The following MAGOHB variants were observed in gnomAD, a reference collection of about 807,000 sequenced individuals.
MAGOHB encodes protein mago nashi homolog 2.
In MAGOHB, 15 loss-of-function variants were observed where a neutral mutation model predicts 20.9. The ratio of observed to expected loss-of-function variants is 0.72; its 90% CI spans 0.48 to 1.11. MAGOHB has a LOEUF of 1.11. Among genes scored for constraint, MAGOHB ranks in the 50% least tolerant of loss-of-function variants. The probability of loss-of-function intolerance (pLI) is 0.00; values close to 1 mark genes in which losing one functional copy is unlikely to be tolerated. For synonymous variants in MAGOHB, 50 were observed against 57.9 expected (o/e 0.86, Z 0.62); for missense variants, 162 against 177.6 (o/e 0.91, Z 0.50).
At chr12:10,600,434 G>A (rs73256073), downstream of MAGOHB, among the ~76,000 whole-genome samples, 17,894 of 150,858 alleles carry the variant, frequency 0.12, 3,474 homozygotes, top group African/African-American at 0.41. Flanking sequence ...GCATAAAATT[G>A]TATGTCAAAG....
At chr12:10,607,976 C>A in intron 3 of MAGOHB, 40 bp from the exon 4 acceptor site, 1 of 1,246,304 alleles carries the variant, frequency 8.0e-7, no homozygotes, top group South Asian at 1.3e-5. Context: ...ATATAAAAAT[C>A]TATCCCAGAG....
intron 1 of MAGOHB, 45 bp downstream of exon 1, chr12:10,613,394 C>T (rs1360036592): frequency 1.3e-6 from 2 of 1,562,094 alleles, no homozygotes; most frequent in Non-Finnish European, 1.8e-6. Flanking sequence ...GCCTCTCGGT[C>T]TCGCTCCCCT....
Position 10,605,789 on chromosome 12 carries a change from A to C in MAGOHB, c.*486T>G, listed in dbSNP as rs1865617926. The stretch of plus-strand genomic sequence containing the variant: ...CCCTGAGGGGTTTGTCATAACTGTA[A>C]AAAAAAACTAGACCTTGTATAAGCC... On this transcript the variant is annotated 3_prime_UTR_variant, in exon 5 of 5. Transcript: ENST00000320756. 6.8e-6 allele frequency: 1 copy of C among 147,128 alleles called. No homozygotes were observed. Among genetic ancestry groups the C allele is most frequent in the South Asian group, 2.1e-4 (1 of 4,744 alleles). The allele number at this position is 147,128 out of a possible 1,614,324, so 9.1% of individuals were successfully genotyped here.
chr12:10,606,148 C>G lies in MAGOHB; in HGVS notation c.*127G>C, dbSNP rs548602933. 1 of 556,460 alleles carries G rather than the reference C, an allele frequency of 1.8e-6. No individual in the cohort carries two copies. Among genetic ancestry groups the G allele is most frequent in the Non-Finnish European group, 3.2e-6 (1 of 315,144 alleles). The allele number at this position is 556,460 out of a possible 1,614,324, so 34.5% of individuals were successfully genotyped here. On this transcript the variant is annotated 3_prime_UTR_variant, in exon 5 of 5. Transcript: ENST00000320756. ...ACCATTAAGCTTGCTAATGTATTTT[C>G]TTATTTTCAGTTTACATACAAATTT... is the stretch of plus-strand genomic sequence containing the variant.
intron 4 of MAGOHB, 125 bp from the exon 5 acceptor site, chr12:10,606,499 A>G: frequency 1.6e-6 from 1 of 618,910 alleles, no homozygotes; most frequent in South Asian, 2.0e-5. Flanking sequence ...GAAAGGAAGG[A>G]TTTTGCTGAC....
chr12:10,599,993 GCT>G (rs1442726138), downstream of MAGOHB, among the ~76,000 whole-genome samples: 3 of 152,086 alleles, frequency 2.0e-5, no homozygotes, highest in African/African-American at 4.8e-5. Flanking sequence ...GAACTACTTA[GCT>G]CTTAGTTTAA....
intron 2 of MAGOHB, 139 bp downstream of exon 2, chr12:10,610,483 C>T (rs1865705503): frequency 9.6e-7 from 1 of 1,040,148 alleles, no homozygotes; most frequent in East Asian, 3.2e-5. Flanking sequence ...TAAATGGAAA[C>T]TCTTTCAATC....
chr12:10,603,548 CAAA>C (rs144204675), downstream of MAGOHB, among the ~76,000 whole-genome samples: 1 of 140,834 alleles, frequency 7.1e-6, no homozygotes, highest in African/African-American at 2.6e-5. Context: ...GACATAATGG[CAAA>C]AAAAAAAAAG....
rs372628458 is a variant in MAGOHB at position 10,613,195 on chromosome 12, C to G, written c.94+244G>C. On this transcript the variant is annotated intron_variant, in intron 1 of 4. Transcript: ENST00000320756. ...TCAGGGCGACGATCTAGAGTCCCTT[C>G]TGGTGCACTGTTACAGAATTCTGAT... 4.6e-5 allele frequency among the ~76,000 whole-genome samples: 7 copies of G among 152,316 alleles called. No individual in the cohort carries two copies. The East Asian group carries it at 7.7e-4, about 17-fold the overall frequency.
chr12:10,605,281 T>C lies in MAGOHB; in HGVS notation c.*994A>G, dbSNP rs1351156410. The C allele has an allele frequency of 6.6e-6, 1 of 152,236 alleles. No individual in the cohort carries two copies. The highest frequency in any genetic ancestry group is 1.5e-5 in the Non-Finnish European group (1 of 68,046). 9.4% of individuals were successfully genotyped at this position (152,236 alleles called of 1,614,324 possible). A position where few individuals can be genotyped will look rare whatever the true frequency, so the allele number is the denominator to read the frequency against. On this transcript the variant is annotated 3_prime_UTR_variant, in exon 5 of 5. Coordinates refer to ENST00000320756, the MANE Select transcript of MAGOHB (RefSeq NM_018048.5). ...AAAAAGTTATTGGACTGCCCGACTCTAGAGCCTACCTGCTCAGGAGTCCTG... is the reference window on the plus strand; with the variant it reads ...AAAAAGTTATTGGACTGCCCGACTCCAGAGCCTACCTGCTCAGGAGTCCTG...
intron 1 of MAGOHB, among the ~76,000 whole-genome samples, chr12:10,612,250 T>TAACA (rs1865760918): frequency 7.5e-6 from 1 of 133,436 alleles, no homozygotes; most frequent in Non-Finnish European, 1.6e-5. Context: ...CATAACATAA[T>TAACA]TAGCTGGGTG....
At chr12:10,612,682 A>G in intron 1 of MAGOHB, 1 of 1,157,234 alleles carries the variant, frequency 8.6e-7, no homozygotes, top group Non-Finnish European at 1.1e-6. Context: ...CAAAACGTGC[A>G]TTCAAAAAAA....
At chr12:10,603,476 C>CT (rs1376887593), downstream of MAGOHB, among the ~76,000 whole-genome samples, 1 of 152,022 alleles carries the variant, frequency 6.6e-6, no homozygotes, top group African/African-American at 2.4e-5. Context: ...AGCAACCATC[C>CT]TTCCTCTTAT....
intron 4 of MAGOHB, 83 bp from the exon 5 acceptor site, chr12:10,606,457 T>A: frequency 1.4e-6 from 1 of 725,226 alleles, no homozygotes; most frequent in Non-Finnish European, 2.3e-6. Context: ...CAAATCAAAA[T>A]CTCATAACAA....
downstream of MAGOHB, among the ~76,000 whole-genome samples, chr12:10,601,880 CTT>C (rs1865558518): frequency 6.6e-6 from 1 of 152,150 alleles, no homozygotes; most frequent in Admixed American, 6.5e-5. Flanking sequence ...TAACTGTTTT[CTT>C]GTTTGTTTTT....
At chr12:10,612,328 G>GCC (rs1865762892) in intron 1 of MAGOHB, among the ~76,000 whole-genome samples, 1 of 152,172 alleles carries the variant, frequency 6.6e-6, no homozygotes, top group East Asian at 1.9e-4. Flanking sequence ...CACTAGGGAG[G>GCC]GGGAGGTTGC....
chr12:10,606,494 G>T, intron 4 of MAGOHB, 120 bp from the exon 5 acceptor site: 1 of 623,366 alleles, frequency 1.6e-6, no homozygotes, highest in Non-Finnish European at 2.8e-6. Context: ...TAGGAGAAAG[G>T]AAGGATTTTG....
At chr12:10,607,283 C>T (rs1264884456) in intron 4 of MAGOHB, among the ~76,000 whole-genome samples, 1 of 152,068 alleles carries the variant, frequency 6.6e-6, no homozygotes, top group South Asian at 2.1e-4. Context: ...TAGGTTATTA[C>T]AATTCAGGGT....
At chr12:10,603,840 C>A (rs1054025856), downstream of MAGOHB, among the ~76,000 whole-genome samples, 3 of 152,150 alleles carry the variant, frequency 2.0e-5, no homozygotes, top group Non-Finnish European at 4.4e-5. Context: ...TGCTAGGAAT[C>A]CAGTTATTAA....
Sources: allele counts gnomAD v4.1 joint callset (sites outside exome capture counted in the v4.1 genomes callset), GRCh38; gene constraint gnomAD v4.1.1; transcripts MANE v1.5; gene names NCBI Gene and HGNC (gene_info 2026-07-23, HGNC 2026-07-21).